The following CUL2 variants were observed in gnomAD, a reference collection of about 807,000 sequenced individuals.
CUL2 encodes cullin 2.
CUL2 carries 22 observed loss-of-function variants against 110.2 expected under a neutral mutation model. The ratio of observed to expected loss-of-function variants is 0.20; its 90% CI spans 0.14 to 0.28. The LOEUF is 0.28. Ranked by LOEUF, CUL2 falls within the 10% of genes least tolerant of loss-of-function variation. The pLI, the probability that CUL2 is intolerant of heterozygous loss-of-function variation, is 1.00. For missense variants in CUL2, 631 were observed against 905.5 expected, an observed-to-expected ratio of 0.70 and a Z score of 3.89; for synonymous variants, 279 against 293.2, an observed-to-expected ratio of 0.95 and a Z score of 0.49.
chr10:35,114,720 C>G (rs73260832), intron 1 of CUL2, among the ~76,000 whole-genome samples: 4,530 of 152,048 alleles, frequency 0.03, 224 homozygotes, highest in African/African-American at 0.1. Context: ...TAAATATACA[C>G]TATATGTTCA....
At chr10:35,062,226 C>A (rs967895667) in intron 3 of CUL2, among the ~76,000 whole-genome samples, 1 of 152,116 alleles carries the variant, frequency 6.6e-6, no homozygotes, top group East Asian at 1.9e-4. Flanking sequence ...CCTCTATGTA[C>A]AGCATACTAA....
intron 2 of CUL2, among the ~76,000 whole-genome samples, chr10:35,095,834 T>C (rs2087289649): frequency 6.6e-6 from 1 of 152,192 alleles, no homozygotes; most frequent in Non-Finnish European, 1.5e-5. Flanking sequence ...GAGTTGAGAT[T>C]ACAGGCGTGA....
chr10:35,099,314 C>G (rs2135103677), intron 2 of CUL2, among the ~76,000 whole-genome samples: 1 of 151,378 alleles, frequency 6.6e-6, no homozygotes, highest in African/African-American at 2.4e-5. Flanking sequence ...TCACTTGAAC[C>G]TGGGAGGCGG....
intron 17 of CUL2, among the ~76,000 whole-genome samples, chr10:35,017,515 G>A (rs921085346): frequency 5.3e-5 from 8 of 151,954 alleles, no homozygotes; most frequent in Admixed American, 3.3e-4. Flanking sequence ...TCAACATGGC[G>A]AAACCTTGTC....
At chr10:35,026,367 A>G (rs2085335845) in intron 16 of CUL2, among the ~76,000 whole-genome samples, 2 of 152,308 alleles carry the variant, frequency 1.3e-5, no homozygotes, top group African/African-American at 4.8e-5. Flanking sequence ...AAATTCAATC[A>G]CTACTATATA....
intron 1 of CUL2, among the ~76,000 whole-genome samples, chr10:35,124,361 T>G (rs966432148): frequency 6.6e-6 from 1 of 152,046 alleles, no homozygotes; most frequent in African/African-American, 2.4e-5. Context: ...GTGGAAGGAT[T>G]GCTTAAGCCC....
intron 1 of CUL2, among the ~76,000 whole-genome samples, chr10:35,077,562 A>T (rs2086850382): frequency 6.6e-6 from 1 of 152,024 alleles, no homozygotes; most frequent in African/African-American, 2.4e-5. Context: ...TCACACCTGT[A>T]ATCCCAGCAC....
chr10:35,085,186 T>TG (rs1470899406), intron 1 of CUL2, among the ~76,000 whole-genome samples: 1 of 151,890 alleles, frequency 6.6e-6, no homozygotes, highest in African/African-American at 2.4e-5. Context: ...CCCAGCACTC[T>TG]GGGAGGCTGA....
Position 35,028,836 on chromosome 10 carries a change from G to A in CUL2, c.1591C>T (p.Gln531Ter). Residue 531 changes from glutamine (Q) to a stop codon, truncating the protein, a stop_gained, in exon 16 of 21, where the codon CAG becomes TAG. Coordinates refer to ENST00000374749, the MANE Select transcript of CUL2 (RefSeq NM_003591.4). LOFTEE classifies it high-confidence loss of function. ...ATCTGTACACTTTTTTCTAATTCCT[G>A]GGGAATTGCAAACGTAGATGAAGGA... is the stretch of plus-strand genomic sequence containing the variant. ...QAPSSTFAIP[Q>*]ELEKSVQMFE... 1 of 1,610,964 alleles carries A rather than the reference G, an allele frequency of 6.2e-7. No homozygotes were observed. The highest frequency in any genetic ancestry group is 8.5e-7 in the Non-Finnish European group (1 of 1,178,030).
At chr10:35,028,564 T>C (rs1016273211) in intron 16 of CUL2, among the ~76,000 whole-genome samples, 7 of 152,224 alleles carry the variant, frequency 4.6e-5, no homozygotes, top group Non-Finnish European at 7.3e-5. Flanking sequence ...TAGCAGATGA[T>C]AGACTTACTC....
Position 35,029,515 on chromosome 10 carries a change from T to C in CUL2, c.1512A>G (p.Gly504=). 6.4e-7 allele frequency: 1 copy of C among 1,565,018 alleles called. No homozygotes were observed. The highest frequency in any genetic ancestry group is 1.2e-5 in the South Asian group (1 of 83,508). Residue 504 remains glycine (G), a synonymous_variant, in exon 15 of 21, where the codon GGA becomes GGG. Transcript: ENST00000374749. ...IKNQDTVIDL[G]ISFQIYVLQA... ...GTAGAACATATATTTGAAAACTAAT[T>C]CCCAAATCTATTACTGTGTCTTGGT...
intron 9 of CUL2, among the ~76,000 whole-genome samples, chr10:35,037,662 G>A (rs1467976864): frequency 6.6e-6 from 1 of 152,036 alleles, no homozygotes; most frequent in African/African-American, 2.4e-5. Context: ...GGCCAACATA[G>A]TGAAACCTCG....
chr10:35,111,439 T>C (rs929916319), intron 1 of CUL2, among the ~76,000 whole-genome samples: 1 of 151,970 alleles, frequency 6.6e-6, no homozygotes, highest in African/African-American at 2.4e-5. Context: ...TCATTCTTTT[T>C]ATAGAGATGG....
chr10:35,013,262 G>A (rs1030572259), intron 19 of CUL2, among the ~76,000 whole-genome samples: 4 of 150,494 alleles, frequency 2.7e-5, no homozygotes, highest in South Asian at 2.1e-4. Context: ...GGAGAATGGC[G>A]TGAACCCGGG....
Position 35,095,948 on chromosome 10 carries a change from C to A in CUL2, c.167+4896G>T, listed in dbSNP as rs185882203. ...AACAGTTTTAACGTTTGGAGTGGCT[C>A]ATTAAGGAGCTATTTTGAGGCTGGG... On this transcript the variant is annotated intron_variant, in intron 2 of 5. Transcript: ENST00000685421. 4.6e-5 allele frequency among the ~76,000 whole-genome samples: 7 copies of A among 152,238 alleles called. No individual in the cohort carries two copies. The East Asian group carries it at 1.4e-3, about 29-fold the overall frequency.
chr10:35,106,492 T>G (rs535636321), intron 1 of CUL2, among the ~76,000 whole-genome samples: 7 of 151,380 alleles, frequency 4.6e-5, no homozygotes, highest in Admixed American at 4.0e-4. Flanking sequence ...GCTAATTTTT[T>G]TTTTTCTTTT....
At chr10:35,070,104 A>T (rs1486044372) in intron 2 of CUL2, among the ~76,000 whole-genome samples, 1 of 152,180 alleles carries the variant, frequency 6.6e-6, no homozygotes, top group Non-Finnish European at 1.5e-5. Flanking sequence ...TACCTCTGAG[A>T]TCAGTTTCCT....
rs770533318 is a variant in CUL2, at chr10:35,013,754, C to T, written c.1934G>A (p.Ser645Asn). The T allele has an allele frequency of 6.4e-7, 1 of 1,557,902 alleles. No individual in the cohort carries two copies. The highest frequency in any genetic ancestry group is 8.7e-7 in the Non-Finnish European group (1 of 1,143,874). ...ESSFSLNMNF[S>N]SKRTKFKITT... ...AATTTTAAATTTTGTTCTTTTACTGCTAAAGTTCATATTTAATGAAAACGA... is the reference window on the plus strand; with the variant it reads ...AATTTTAAATTTTGTTCTTTTACTGTTAAAGTTCATATTTAATGAAAACGA... Residue 645 changes from serine to asparagine, a missense_variant, in exon 19 of 21, where the codon AGC becomes AAC. Coordinates refer to ENST00000374749, the MANE Select transcript of CUL2 (RefSeq NM_003591.4).
At chr10:35,122,634 T>A (rs1205411038) in intron 1 of CUL2, among the ~76,000 whole-genome samples, 1 of 152,202 alleles carries the variant, frequency 6.6e-6, no homozygotes, top group Non-Finnish European at 1.5e-5. Flanking sequence ...TATTTTATTT[T>A]ATTTTATTTA....
Sources: allele counts gnomAD v4.1 joint callset (sites outside exome capture counted in the v4.1 genomes callset), GRCh38; gene constraint gnomAD v4.1.1; transcripts MANE v1.5; gene names NCBI Gene and HGNC (gene_info 2026-07-23, HGNC 2026-07-21).